Variants in TOMM20L observed in about 807,000 individuals in gnomAD.
TOMM20L encodes the protein translocase of outer mitochondrial membrane 20 like.
A neutral mutation model predicts 20.4 loss-of-function variants in TOMM20L; 19 were observed. That is an observed-to-expected ratio of 0.93 (90% CI 0.65 to 1.36). The LOEUF is 1.36. TOMM20L is among the 40% of genes most tolerant of loss of function. The probability of loss-of-function intolerance (pLI) is 0.00; values close to 1 mark genes in which losing one functional copy is unlikely to be tolerated. For synonymous variants in TOMM20L, 75 were observed against 79.6 expected, an observed-to-expected ratio of 0.94 and a Z score of 0.30; for missense variants, 218 against 203.7, an observed-to-expected ratio of 1.07 and a Z score of -0.43.
At position 58,396,312 on chromosome 14, in the gene TOMM20L, C is replaced by A; in HGVS notation, c.151C>A (p.Pro51Thr). 3 of 1,613,322 alleles carry A rather than the reference C, an allele frequency of 1.9e-6. No homozygotes were observed. Among genetic ancestry groups the A allele is most frequent in the Non-Finnish European group, 2.5e-6 (3 of 1,179,840 alleles). ...TGTGTTCGCAGAAAGAAGAGCAGAG[C>A]CTCAAAAGGCTGAGGAGCAGGGCAC... is the stretch of plus-strand genomic sequence containing the variant. ...RRLRDKRRAEPQKAEEQGTQL... is the reference protein window; with the variant it reads ...RRLRDKRRAETQKAEEQGTQL... Residue 51 changes from proline (P) to threonine (T), a missense_variant, in exon 2 of 5, where the codon CCT becomes ACT. Transcript: ENST00000360945.
At chr14:58,408,368 G>C (rs1486001096) in intron 4 of TOMM20L, 161 bp from the exon 5 acceptor site, 3 of 611,010 alleles carry the variant, frequency 4.9e-6, no homozygotes, top group Admixed American at 6.2e-5. Flanking sequence ...AGTGAGCTGA[G>C]ATTGTGCCGT....
rs754593919 is a variant in TOMM20L, at chr14:58,395,930, G to T, written c.-28G>T. 5 of 1,311,076 alleles carry T rather than the reference G, an allele frequency of 3.8e-6. No individual in the cohort carries two copies. The highest frequency in any genetic ancestry group is 2.4e-5 in the South Asian group (1 of 41,906). The allele number at this position is 1,311,076 out of a possible 1,614,324, so 81.2% of individuals were successfully genotyped here. On this transcript the variant is annotated 5_prime_UTR_variant, in exon 1 of 5. Coordinates refer to ENST00000360945, the MANE Select transcript of TOMM20L (RefSeq NM_207377.3). ...CCCTGCCGGCCGGCCCGCGCCCAAC[G>T]CTCGGCTTGTGGGACGCCCGCGGTC...
chr14:58,408,440 A>G, intron 4 of TOMM20L, 89 bp from the exon 5 acceptor site: 2 of 1,143,300 alleles, frequency 1.7e-6, no homozygotes, highest in South Asian at 1.4e-5. Flanking sequence ...AAAGAAAAGT[A>G]TATGTAATGC....
intron 3 of TOMM20L, among the ~76,000 whole-genome samples, chr14:58,406,837 T>C (rs2036066013): frequency 6.6e-6 from 1 of 152,212 alleles, no homozygotes; most frequent in African/African-American, 2.4e-5. Context: ...AATCTCTTAT[T>C]TTTTTCCCTG....
intron 2 of TOMM20L, chr14:58,398,795 TC>T (rs1289643965): frequency 1.3e-5 from 2 of 151,982 alleles, no homozygotes; most frequent in Admixed American, 6.6e-5. Flanking sequence ...TAATATTATT[TC>T]CCATATATGA....
chr14:58,402,929 T>C (rs1347090215), intron 3 of TOMM20L, among the ~76,000 whole-genome samples, 168 bp downstream of exon 3: 1 of 152,260 alleles, frequency 6.6e-6, no homozygotes, highest in African/African-American at 2.4e-5. Context: ...TCTTGAATTA[T>C]GTTAGCATTT....
downstream of TOMM20L, chr14:58,411,923 G>T: frequency 1.9e-6 from 3 of 1,613,836 alleles, no homozygotes; most frequent in Non-Finnish European, 2.5e-6. Flanking sequence ...TATCTGATCA[G>T]ATTCTGGTAT....
intron 3 of TOMM20L, among the ~76,000 whole-genome samples, chr14:58,406,492 T>A (rs2036059048): frequency 6.6e-6 from 1 of 152,226 alleles, no homozygotes; most frequent in African/African-American, 2.4e-5. Flanking sequence ...CCATATTTTA[T>A]TTTCTACCTA....
chr14:58,408,526 C>G lies in TOMM20L; in HGVS notation c.406-3C>G. 1 of 1,613,234 alleles carries G rather than the reference C, an allele frequency of 6.2e-7. No homozygotes were observed. The highest frequency in any genetic ancestry group is 8.5e-7 in the Non-Finnish European group (1 of 1,179,646). ...GCAAGTAACTATTTTATGTATTCAC[C>G]AGCAATTTGAGGCAGACATGAATGA... On this transcript the variant is annotated splice_polypyrimidine_tract_variant and splice_region_variant and intron_variant, in intron 4 of 4. Coordinates refer to ENST00000360945, the MANE Select transcript of TOMM20L (RefSeq NM_207377.3).
chr14:58,412,587 T>C (rs751176398), downstream of TOMM20L, among the ~76,000 whole-genome samples: 2 of 152,064 alleles, frequency 1.3e-5, no homozygotes, highest in African/African-American at 4.8e-5. Context: ...ACCAAGATGG[T>C]GAAGTTTGGG....
chr14:58,414,728 C>T, the TOMM20L span, among the ~76,000 whole-genome samples: 12 of 111,374 alleles, frequency 1.1e-4, no homozygotes, highest in Non-Finnish European at 1.7e-4. Context: ...CATAGTGAGA[C>T]GCCATCTCAA....
At position 58,408,619 on chromosome 14, in the gene TOMM20L, C is replaced by T. The variant is rs745568923; in HGVS notation, c.*37C>T. The T allele has an allele frequency of 1.9e-6, 3 of 1,590,512 alleles. No individual in the cohort carries two copies. The highest frequency in any genetic ancestry group is 1.1e-5 in the South Asian group (1 of 89,690). On this transcript the variant is annotated 3_prime_UTR_variant, in exon 5 of 5. Coordinates refer to ENST00000360945, the MANE Select transcript of TOMM20L (RefSeq NM_207377.3). ...ACGTATCCACAGTCCAGTGAGAATA[C>T]TATGGTACCATACAGTATAAACAAC...
intron 2 of TOMM20L, among the ~76,000 whole-genome samples, 196 bp downstream of exon 2, chr14:58,396,537 G>A (rs2035925601): frequency 6.6e-6 from 1 of 152,256 alleles, no homozygotes; most frequent in Admixed American, 6.5e-5. Context: ...GGGAAGGAAG[G>A]AGGAAGAAGT....
At chr14:58,404,099 G>GTATATATATA (rs1491246989) in intron 3 of TOMM20L, among the ~76,000 whole-genome samples, 14 of 22,944 alleles carry the variant, frequency 6.1e-4, no homozygotes, top group African/African-American at 1.7e-3. Context: ...ACATATATAT[G>GTATATATATA]TATATATATA....
chr14:58,402,152 A>G (rs2036000458), intron 2 of TOMM20L, among the ~76,000 whole-genome samples: 8 of 152,228 alleles, frequency 5.3e-5, no homozygotes, highest in Admixed American at 5.2e-4. Context: ...AAGCATCTCA[A>G]CCTAACAAAT....
rs137872413 is a variant in TOMM20L, at chr14:58,406,881, T to C, written c.263-445T>C. On this transcript the variant is annotated intron_variant, in intron 3 of 4. Transcript: ENST00000360945. ...AATTCATGTTACACTACATCTTGTT[T>C]CAACTCTTTGATAGTGAAATCTATT... Among the ~76,000 whole-genome samples the C allele has an allele frequency of 1.7e-3, 263 of 152,356 alleles. 1 individual carries two copies. The highest frequency in any genetic ancestry group is 6.8e-3 in the Middle Eastern group (2 of 294).
chr14:58,402,238 A>G (rs539294654), intron 2 of TOMM20L, among the ~76,000 whole-genome samples: 6 of 152,004 alleles, frequency 3.9e-5, no homozygotes, highest in East Asian at 1.9e-4. Context: ...GAACAACTAC[A>G]TTTGTCATAC....
At chr14:58,415,710 G>C in the TOMM20L span, among the ~76,000 whole-genome samples, 2 of 152,114 alleles carry the variant, frequency 1.3e-5, no homozygotes, top group Admixed American at 1.3e-4. Context: ...AGGACTTGTA[G>C]AAGTATAAAA....
intron 2 of TOMM20L, among the ~76,000 whole-genome samples, chr14:58,399,478 A>AGATT (rs1435178338): frequency 1.3e-5 from 2 of 152,092 alleles, no homozygotes; most frequent in Non-Finnish European, 2.9e-5. Context: ...CTACTCCCAG[A>AGATT]GATTGATTCA....
Sources: gnomAD v4.1 joint callset for allele counts (sites outside exome capture counted in the v4.1 genomes callset) on GRCh38, gnomAD v4.1.1 for gene constraint, MANE v1.5 for transcripts, NCBI Gene and HGNC (gene_info 2026-07-23, HGNC 2026-07-21) for gene names.